Variants in PPM1B observed in about 807,000 individuals in gnomAD.
PPM1B encodes the protein protein phosphatase 1B.
Under a neutral mutation model 43.0 loss-of-function variants are expected in PPM1B, and 22 were observed. The ratio of observed to expected loss-of-function variants is 0.51; its 90% CI spans 0.37 to 0.73. PPM1B has a LOEUF of 0.73. Ranked by LOEUF, PPM1B falls within the 30% of genes least tolerant of loss-of-function variation. The pLI is 0.00. For synonymous variants in PPM1B, 217 were observed against 197.9 expected, an observed-to-expected ratio of 1.10 and a Z score of -0.81; for missense variants, 632 against 584.2, an observed-to-expected ratio of 1.08 and a Z score of -0.84.
intron 1 of PPM1B, among the ~76,000 whole-genome samples, chr2:44,170,721 A>G (rs1667295828): frequency 6.6e-6 from 1 of 152,234 alleles, no homozygotes; most frequent in African/African-American, 2.4e-5. Context: ...TAGTGAGACA[A>G]GTTATTCTAA....
At chr2:44,231,732 A>G (rs1184868620), downstream of PPM1B, among the ~76,000 whole-genome samples, 1 of 152,170 alleles carries the variant, frequency 6.6e-6, no homozygotes, top group East Asian at 1.9e-4. Context: ...ACATGTGAGA[A>G]AATTGCCACA....
chr2:44,170,639 T>G (rs1254371612), intron 1 of PPM1B, among the ~76,000 whole-genome samples: 2 of 152,218 alleles, frequency 1.3e-5, no homozygotes, highest in Non-Finnish European at 2.9e-5. Flanking sequence ...GTTATTTCAT[T>G]TACTTTCTCT....
At chr2:44,223,963 A>G (rs1670097646) in intron 5 of PPM1B, among the ~76,000 whole-genome samples, 1 of 151,934 alleles carries the variant, frequency 6.6e-6, no homozygotes, top group Admixed American at 6.6e-5. Flanking sequence ...AAAATTATTC[A>G]TTAAATTTGA....
downstream of PPM1B, among the ~76,000 whole-genome samples, chr2:44,236,384 CAGAG>C (rs1377952219): frequency 6.7e-5 from 5 of 74,170 alleles, no homozygotes; most frequent in Admixed American, 1.9e-4. Flanking sequence ...GCCTGGGCGA[CAGAG>C]GGAGACTCCG....
intron 1 of PPM1B, among the ~76,000 whole-genome samples, chr2:44,182,622 G>C (rs1234416371): frequency 6.6e-6 from 1 of 152,070 alleles, no homozygotes; most frequent in Non-Finnish European, 1.5e-5. Context: ...TTCTAATTGT[G>C]ATTTGCTTTT....
chr2:44,232,576 C>T (rs530090287), downstream of PPM1B: 16 of 1,368,678 alleles, frequency 1.2e-5, no homozygotes, highest in African/African-American at 4.5e-5. Flanking sequence ...CAGGCATACT[C>T]GTTACATCTG....
At chr2:44,232,472 A>C, downstream of PPM1B, 3 of 1,530,034 alleles carry the variant, frequency 2.0e-6, no homozygotes, top group East Asian at 2.3e-5. Context: ...ATGAGCAGAA[A>C]ATCATTAGCA....
chr2:44,209,141 G>A lies in PPM1B; in HGVS notation c.847-69G>A, dbSNP rs531128675. ...ATTAAATAAACTATAATTGCTTAAA[G>A]TATTTTGAAGTAAATAATAGTTGAT... On this transcript the variant is annotated intron_variant, in intron 2 of 5. Transcript: ENST00000282412. 39 of 1,293,508 alleles carry A rather than the reference G, an allele frequency of 3.0e-5. No homozygotes were observed. The Admixed American group carries it at 9.4e-4, about 31-fold the overall frequency. The allele number at this position is 1,293,508 out of a possible 1,614,324, so 80.1% of individuals were successfully genotyped here. A position where few individuals can be genotyped will look rare whatever the true frequency, so the allele number is the denominator to read the frequency against.
At chr2:44,182,157 T>C (rs1685245617) in intron 1 of PPM1B, among the ~76,000 whole-genome samples, 1 of 152,214 alleles carries the variant, frequency 6.6e-6, no homozygotes, top group African/African-American at 2.4e-5. Flanking sequence ...ATTGGTGTTT[T>C]GGGTTCTGAA....
At chr2:44,212,860 G>C (rs1157903976) in intron 3 of PPM1B, among the ~76,000 whole-genome samples, 1 of 151,914 alleles carries the variant, frequency 6.6e-6, no homozygotes, top group Non-Finnish European at 1.5e-5. Flanking sequence ...AATACAAAAA[G>C]AAATTAGCTG....
At chr2:44,197,242 C>T (rs2104105557) in intron 1 of PPM1B, among the ~76,000 whole-genome samples, 2 of 152,220 alleles carry the variant, frequency 1.3e-5, no homozygotes, top group Non-Finnish European at 2.9e-5. Context: ...ACCCCAGCCT[C>T]CTGAGTAACC....
At position 44,230,580 on chromosome 2, in the gene PPM1B, C is replaced by T. The variant is rs747732803; in HGVS notation, c.1302C>T (p.Ala434=). 2 of 1,614,024 alleles carry T rather than the reference C, an allele frequency of 1.2e-6. No individual in the cohort carries two copies. Among genetic ancestry groups the T allele is most frequent in the African/African-American group, 1.3e-5 (1 of 74,920 alleles). Residue 434 remains alanine (A), a synonymous_variant, in exon 6 of 6, where the codon GCC becomes GCT. Transcript: ENST00000282412. ...EGEESPAEPA[A]TATSSNSDAG... ...AAGAAAGCCCTGCTGAACCAGCTGCCACAGCTACTTCTTCGAACAGTGATG... is the reference window on the plus strand; with the variant it reads ...AAGAAAGCCCTGCTGAACCAGCTGCTACAGCTACTTCTTCGAACAGTGATG...
downstream of PPM1B, among the ~76,000 whole-genome samples, chr2:44,239,597 G>C (rs1338984176): frequency 6.6e-6 from 1 of 152,106 alleles, no homozygotes; most frequent in East Asian, 1.9e-4. Context: ...TAACAAGGCT[G>C]AGGGGAGGCA....
chr2:44,182,336 C>T (rs996958586), intron 1 of PPM1B, among the ~76,000 whole-genome samples: 9 of 151,954 alleles, frequency 5.9e-5, no homozygotes, highest in South Asian at 2.1e-4. Context: ...CTTGGCTCAT[C>T]GCCACCTCCG....
downstream of PPM1B, among the ~76,000 whole-genome samples, chr2:44,239,570 T>A (rs2104293021): frequency 6.6e-6 from 1 of 152,266 alleles, no homozygotes; most frequent in East Asian, 1.9e-4. Context: ...CATTTTCATA[T>A]CAGGTGGATA....
At chr2:44,184,228 A>C (rs911188741) in intron 1 of PPM1B, among the ~76,000 whole-genome samples, 2 of 152,212 alleles carry the variant, frequency 1.3e-5, no homozygotes, top group African/African-American at 2.4e-5. Context: ...CTGCTGCTCT[A>C]ATAGGTATCC....
chr2:44,180,615 T>A (rs980975147), intron 1 of PPM1B, among the ~76,000 whole-genome samples: 1 of 152,064 alleles, frequency 6.6e-6, no homozygotes, highest in South Asian at 2.1e-4. Flanking sequence ...TTTAAATTAC[T>A]TTTGTTTTTT....
At position 44,230,953 on chromosome 2, in the gene PPM1B, C is replaced by G; in HGVS notation, c.*235C>G. ...TTATATGTCATTTCACATTGTATGCCAGAAATTAGGCTACCAATTATGAAT... is the reference window on the plus strand; with the variant it reads ...TTATATGTCATTTCACATTGTATGCGAGAAATTAGGCTACCAATTATGAAT... On this transcript the variant is annotated 3_prime_UTR_variant, in exon 6 of 6. Coordinates refer to ENST00000282412, the MANE Select transcript of PPM1B (RefSeq NM_002706.6). The G allele has an allele frequency of 9.0e-7, 1 of 1,109,464 alleles. No individual in the cohort carries two copies. The highest frequency in any genetic ancestry group is 1.1e-6 in the Non-Finnish European group (1 of 895,212). 68.7% of individuals were successfully genotyped at this position (1,109,464 alleles called of 1,614,324 possible).
At chr2:44,234,655 C>G, downstream of PPM1B, 3 of 978,990 alleles carry the variant, frequency 3.1e-6, no homozygotes, top group Non-Finnish European at 3.6e-6. Flanking sequence ...AATTTCCTAG[C>G]CTGGCTATTC....
Sources: gnomAD v4.1 joint callset for allele counts (sites outside exome capture counted in the v4.1 genomes callset) on GRCh38, gnomAD v4.1.1 for gene constraint, MANE v1.5 for transcripts, NCBI Gene and HGNC (gene_info 2026-07-23, HGNC 2026-07-21) for gene names.